CCNJL: variants seen among roughly 807,000 people sequenced by gnomAD.
CCNJL encodes the protein cyclin J like.
CCNJL carries 33 observed loss-of-function variants against 33.4 expected under a neutral mutation model. The ratio of observed to expected loss-of-function variants is 0.99; its 90% CI spans 0.75 to 1.32. CCNJL has a LOEUF of 1.32. CCNJL is among the 40% of genes most tolerant of loss of function. The pLI, the probability that CCNJL is intolerant of heterozygous loss-of-function variation, is 0.00. For synonymous variants in CCNJL, 227 were observed against 220.9 expected (o/e 1.03, Z -0.24); for missense variants, 512 against 499.7 (o/e 1.02, Z -0.23).
intron 2 of CCNJL, among the ~76,000 whole-genome samples, chr5:160,305,747 C>A (rs116828043): frequency 1.2e-4 from 19 of 152,288 alleles, no homozygotes; most frequent in Non-Finnish European, 2.1e-4. Context: ...TTCCTGTGAG[C>A]CTTGCAGTTT....
chr5:160,337,025 A>G (rs1581025846), intron 1 of CCNJL, among the ~76,000 whole-genome samples: 1 of 41,880 alleles, frequency 2.4e-5, no homozygotes, highest in African/African-American at 8.1e-5. Context: ...TTTTTTTTTG[A>G]CAGGGTCTAG....
chr5:160,283,820 A>G (rs1278085155), intron 2 of CCNJL, among the ~76,000 whole-genome samples: 1 of 150,106 alleles, frequency 6.7e-6, no homozygotes, highest in Non-Finnish European at 1.5e-5. Flanking sequence ...CTCTATGTCC[A>G]TGAGTTCAAT....
At chr5:160,264,645 G>A (rs1293268068) in intron 3 of CCNJL, among the ~76,000 whole-genome samples, 1 of 151,798 alleles carries the variant, frequency 6.6e-6, no homozygotes, top group East Asian at 1.9e-4. Flanking sequence ...TCACAATGAC[G>A]GGCAGCCATC....
At chr5:160,286,734 G>A (rs1451402453) in intron 2 of CCNJL, among the ~76,000 whole-genome samples, 1 of 152,182 alleles carries the variant, frequency 6.6e-6, no homozygotes, top group Non-Finnish European at 1.5e-5. Context: ...CAGCGTGCTG[G>A]AAGGGGCTGG....
At chr5:160,298,053 G>T (rs1245279091) in intron 2 of CCNJL, among the ~76,000 whole-genome samples, 1 of 152,140 alleles carries the variant, frequency 6.6e-6, no homozygotes, top group Non-Finnish European at 1.5e-5. Flanking sequence ...CTTATCTAAG[G>T]TCAGGCGGGG....
chr5:160,300,529 AT>A (rs1201669000), intron 2 of CCNJL, among the ~76,000 whole-genome samples: 4 of 151,980 alleles, frequency 2.6e-5, no homozygotes, highest in South Asian at 2.1e-4. Flanking sequence ...ACATTATGAG[AT>A]TTTTTTGTGA....
chr5:160,265,065 G>T (rs1038500991), intron 3 of CCNJL, among the ~76,000 whole-genome samples: 72 of 152,280 alleles, frequency 4.7e-4, no homozygotes, highest in Non-Finnish European at 2.9e-5. Context: ...AAGGTAACCA[G>T]CACAGAACAA....
Position 160,249,804 on chromosome 5 carries a change from A to ATAAC in CCNJL, c.*3573_*3574insGTTA, listed in dbSNP as rs1279356631. ...AATAAATAAATAAATAAATAAATAA[A>ATAAC]TAAAATAAAAATTTAAAAAATCAAA... On this transcript the variant is annotated 3_prime_UTR_variant, in exon 6 of 6. Transcript: ENST00000257536. 1 of 149,600 alleles carries ATAAC rather than the reference A, an allele frequency of 6.7e-6. No homozygotes were observed. The highest frequency in any genetic ancestry group is 1.5e-5 in the Non-Finnish European group (1 of 67,756). The allele number at this position is 149,600 out of a possible 1,614,324, so 9.3% of individuals were successfully genotyped here. A position where few individuals can be genotyped will look rare whatever the true frequency, so the allele number is the denominator to read the frequency against.
intron 2 of CCNJL, among the ~76,000 whole-genome samples, chr5:160,287,891 G>A (rs1762460849): frequency 6.6e-6 from 1 of 152,020 alleles, no homozygotes; most frequent in African/African-American, 2.4e-5. Context: ...GGAGGCTGTA[G>A]AAGAAGGGGG....
chr5:160,299,557 T>C (rs1581002080), intron 2 of CCNJL, among the ~76,000 whole-genome samples: 1 of 151,970 alleles, frequency 6.6e-6, no homozygotes, highest in South Asian at 2.1e-4. Flanking sequence ...CAACAGAAGA[T>C]ATTAATGAAT....
chr5:160,311,161 G>C (rs978883029), intron 2 of CCNJL, among the ~76,000 whole-genome samples: 4 of 152,106 alleles, frequency 2.6e-5, no homozygotes, highest in Non-Finnish European at 5.9e-5. Flanking sequence ...CTCCTTGAGG[G>C]GAGGGGTGTG....
intron 1 of CCNJL, among the ~76,000 whole-genome samples, chr5:160,332,074 G>T (rs1763614442): frequency 6.6e-6 from 1 of 152,006 alleles, no homozygotes; most frequent in South Asian, 2.1e-4. Context: ...AATATTTCAT[G>T]CCATCTCTTC....
At chr5:160,258,211 CAGT>C (rs1162871474) in intron 4 of CCNJL, 2 of 588,546 alleles carry the variant, frequency 3.4e-6, no homozygotes, top group Non-Finnish European at 6.1e-6. Flanking sequence ...GTTGTATCAA[CAGT>C]ATTTTTTTTT....
At chr5:160,301,427 T>C (rs1045111837) in intron 2 of CCNJL, among the ~76,000 whole-genome samples, 30 of 150,736 alleles carry the variant, frequency 2.0e-4, no homozygotes, top group African/African-American at 6.8e-4. Flanking sequence ...TTGATGGCAA[T>C]GGCCTATGTC....
rs143801848 is a variant in CCNJL, at chr5:160,253,938, T to G, written c.744-140A>C. 473 of 600,272 alleles carry G rather than the reference T, an allele frequency of 7.9e-4. 2 individuals carry two copies. The East Asian group carries it at 9.0e-3, about 11-fold the overall frequency. 37.2% of individuals were successfully genotyped at this position (600,272 alleles called of 1,614,324 possible). ...CCAGGCCTTACCTGGCTGTGCTCACTGTGTGTGGCACCGCTCCAGCTGTTC... is the reference window on the plus strand; with the variant it reads ...CCAGGCCTTACCTGGCTGTGCTCACGGTGTGTGGCACCGCTCCAGCTGTTC... On this transcript the variant is annotated intron_variant, in intron 5 of 5. Coordinates refer to ENST00000257536, the MANE Select transcript of CCNJL (RefSeq NM_001308173.3).
chr5:160,320,791 T>TTCTTTCC (rs1763432408), intron 1 of CCNJL, among the ~76,000 whole-genome samples: 1 of 34,074 alleles, frequency 2.9e-5, no homozygotes, highest in African/African-American at 8.1e-5. Context: ...TTTCTTTCCT[T>TTCTTTCC]TCTTTCTTTC....
At position 160,251,646 on chromosome 5, in the gene CCNJL, A is replaced by C. The variant is rs1399150409; in HGVS notation, c.*1732T>G. The C allele has an allele frequency of 6.6e-6, 1 of 152,274 alleles. No individual in the cohort carries two copies. The highest frequency in any genetic ancestry group is 1.5e-5 in the Non-Finnish European group (1 of 68,116). 9.4% of individuals were successfully genotyped at this position (152,274 alleles called of 1,614,324 possible). On this transcript the variant is annotated 3_prime_UTR_variant, in exon 6 of 6. Coordinates refer to ENST00000257536, the MANE Select transcript of CCNJL (RefSeq NM_001308173.3). ...CGGCCCAAGAGGGGATGCCTAGGACAAGAGGTGAGAGATCAAGAGCAGGTG... is the reference window on the plus strand; with the variant it reads ...CGGCCCAAGAGGGGATGCCTAGGACCAGAGGTGAGAGATCAAGAGCAGGTG...
intron 2 of CCNJL, among the ~76,000 whole-genome samples, chr5:160,284,143 G>A (rs1762332317): frequency 6.6e-6 from 1 of 152,102 alleles, no homozygotes; most frequent in Non-Finnish European, 1.5e-5. Flanking sequence ...CTTGAGTTTA[G>A]GAGTTTGAGA....
intron 2 of CCNJL, 132 bp downstream of exon 2, chr5:160,311,726 A>T (rs1036273824): frequency 3.9e-6 from 3 of 769,592 alleles, no homozygotes; most frequent in African/African-American, 1.7e-5. Flanking sequence ...CTCCGGGAGA[A>T]GGTAAAGGGT....
Sources: allele counts gnomAD v4.1 joint callset (sites outside exome capture counted in the v4.1 genomes callset), GRCh38; gene constraint gnomAD v4.1.1; transcripts MANE v1.5; gene names NCBI Gene and HGNC (gene_info 2026-07-23, HGNC 2026-07-21).